Variants in RALYL observed in about 807,000 individuals in gnomAD.
The protein encoded by RALYL is RALY RNA binding protein like.
A neutral mutation model predicts 35.1 loss-of-function variants in RALYL; 29 were observed. That is an observed-to-expected ratio of 0.83 (90% CI 0.61 to 1.13). RALYL has a LOEUF of 1.13. Ranked by LOEUF, RALYL falls within the 50% of genes most tolerant of loss-of-function variation. RALYL has a pLI of 0.00. For missense variants in RALYL, 359 were observed against 360.4 expected (o/e 1.00, Z 0.03); for synonymous variants, 120 against 127.6 (o/e 0.94, Z 0.40).
intron 1 of RALYL, among the ~76,000 whole-genome samples, chr8:84,282,836 C>T (rs1836867157): frequency 6.7e-6 from 1 of 149,524 alleles, no homozygotes; most frequent in African/African-American, 2.5e-5. Flanking sequence ...TATAGGTCAC[C>T]CAGTCTTTTT....
chr8:84,596,805 C>T (rs952584829), intron 2 of RALYL, among the ~76,000 whole-genome samples: 1 of 151,948 alleles, frequency 6.6e-6, no homozygotes, highest in South Asian at 2.1e-4. Flanking sequence ...TTTTTTTCTT[C>T]CATTGATTTT....
At chr8:84,202,419 C>A (rs945854573) in intron 1 of RALYL, among the ~76,000 whole-genome samples, 1 of 134,530 alleles carries the variant, frequency 7.4e-6, no homozygotes, top group Non-Finnish European at 1.5e-5. Context: ...GTCGCCTAGG[C>A]TGGAGTGTAG....
chr8:84,892,612 A>T (rs1395751785), intron 8 of RALYL, among the ~76,000 whole-genome samples: 1 of 136,268 alleles, frequency 7.3e-6, no homozygotes, highest in African/African-American at 3.0e-5. Context: ...CTCTGTCTTA[A>T]AAAAAAAAAA....
chr8:84,474,407 C>G (rs1193698198), intron 1 of RALYL, among the ~76,000 whole-genome samples: 1 of 152,084 alleles, frequency 6.6e-6, no homozygotes, highest in African/African-American at 2.4e-5. Flanking sequence ...AGTAAGAATA[C>G]TTTAGGGAAA....
intron 2 of RALYL, among the ~76,000 whole-genome samples, chr8:84,763,754 C>CT (rs998760882): frequency 7.9e-5 from 12 of 152,190 alleles, no homozygotes; most frequent in African/African-American, 1.9e-4. Flanking sequence ...CACAAAATAA[C>CT]TTTTTTTAAA....
At chr8:84,661,003 A>G (rs1261204126) in intron 2 of RALYL, among the ~76,000 whole-genome samples, 1 of 152,016 alleles carries the variant, frequency 6.6e-6, no homozygotes, top group East Asian at 1.9e-4. Context: ...ATCTCGGCTC[A>G]CTGCAAGCTC....
chr8:84,636,962 G>T (rs936305347), intron 2 of RALYL, among the ~76,000 whole-genome samples: 27 of 151,964 alleles, frequency 1.8e-4, no homozygotes, highest in Admixed American at 1.6e-3. Context: ...TAACTATTCT[G>T]CTGTGGCTGG....
intron 1 of RALYL, among the ~76,000 whole-genome samples, chr8:84,247,542 A>G (rs1234937705): frequency 2.6e-5 from 4 of 152,030 alleles, no homozygotes; most frequent in Admixed American, 2.6e-4. Flanking sequence ...TTAAAAAAAA[A>G]AAAGAAAAAA....
In RALYL at chr8:84,545,128, A is replaced by AT. The variant is rs527766355; in HGVS notation, c.256+15557dup. 4.6e-5 allele frequency among the ~76,000 whole-genome samples: 7 copies of AT among 152,148 alleles called. No individual in the cohort carries two copies. In the South Asian group the frequency reaches 1.2e-3, roughly 27 times the overall value. On this transcript the variant is annotated intron_variant, in intron 2 of 8. Transcript: ENST00000521268. Reference sequence around the variant, plus strand: ...GATATGCAATATAAGAAATTGATCAATTTTTTACCATATCCATACAGTTAT... The same window carrying AT: ...GATATGCAATATAAGAAATTGATCAATTTTTTTACCATATCCATACAGTTAT...
intron 2 of RALYL, among the ~76,000 whole-genome samples, chr8:84,538,263 A>T (rs568805608): frequency 3.3e-5 from 5 of 152,254 alleles, no homozygotes; most frequent in Admixed American, 1.3e-4. Flanking sequence ...ACTGTAAATA[A>T]TTTTTTTCAT....
At chr8:84,434,743 C>T (rs753673814) in intron 1 of RALYL, among the ~76,000 whole-genome samples, 8 of 152,024 alleles carry the variant, frequency 5.3e-5, no homozygotes, top group Admixed American at 3.3e-4. Flanking sequence ...TACCTGAGCT[C>T]GAGTAATTCT....
chr8:84,278,833 A>C (rs1186047002), intron 1 of RALYL, among the ~76,000 whole-genome samples: 1 of 152,184 alleles, frequency 6.6e-6, no homozygotes, highest in African/African-American at 2.4e-5. Flanking sequence ...GTCTCTAGGA[A>C]GTTACAAACT....
intron 2 of RALYL, among the ~76,000 whole-genome samples, chr8:84,672,918 T>A (rs370402815): frequency 2.0e-5 from 3 of 152,192 alleles, no homozygotes; most frequent in Non-Finnish European, 2.9e-5. Context: ...TGTGTTCATG[T>A]TATTGCACTA....
intron 1 of RALYL, among the ~76,000 whole-genome samples, chr8:84,435,376 GA>G (rs1460662305): frequency 6.6e-6 from 1 of 152,104 alleles, no homozygotes; most frequent in Non-Finnish European, 1.5e-5. Flanking sequence ...AATCTTGGAT[GA>G]AATTTTTTCT....
chr8:84,911,479 A>T (rs1405066263), intron 8 of RALYL, among the ~76,000 whole-genome samples: 1 of 152,104 alleles, frequency 6.6e-6, no homozygotes, highest in East Asian at 1.9e-4. Context: ...AAATATACTG[A>T]TATCTTCTAT....
intron 2 of RALYL, among the ~76,000 whole-genome samples, chr8:84,609,385 A>C (rs1242875929): frequency 6.6e-6 from 1 of 152,124 alleles, no homozygotes; most frequent in South Asian, 2.1e-4. Context: ...ATATACGTGA[A>C]AGTATTGGTA....
chr8:84,535,701 C>G (rs1246894908), intron 2 of RALYL, among the ~76,000 whole-genome samples: 1 of 151,142 alleles, frequency 6.6e-6, no homozygotes, highest in Non-Finnish European at 1.5e-5. Flanking sequence ...GTCTTGATCT[C>G]CTGGCCTCGT....
chr8:84,625,876 A>T (rs1178117640), intron 2 of RALYL, among the ~76,000 whole-genome samples: 1 of 152,158 alleles, frequency 6.6e-6, no homozygotes, highest in Non-Finnish European at 1.5e-5. Flanking sequence ...GTTAAACAGA[A>T]GAGTGTCATG....
chr8:84,842,522 C>T (rs1331933991), intron 4 of RALYL, among the ~76,000 whole-genome samples: 5 of 152,272 alleles, frequency 3.3e-5, no homozygotes, highest in Admixed American at 6.5e-5. Context: ...GATTCACAGC[C>T]GAATTCTACC....
Sources: allele counts gnomAD v4.1 joint callset (sites outside exome capture counted in the v4.1 genomes callset), GRCh38; gene constraint gnomAD v4.1.1; transcripts MANE v1.5; gene names NCBI Gene and HGNC (gene_info 2026-07-23, HGNC 2026-07-21).